Variants in EMSY observed in about 807,000 individuals in gnomAD.
EMSY encodes the protein EMSY transcriptional repressor, BRCA2 interacting.
EMSY carries 26 observed loss-of-function variants against 134.6 expected under a neutral mutation model. The ratio of observed to expected loss-of-function variants is 0.19; its 90% CI spans 0.14 to 0.27. The LOEUF (loss-of-function observed/expected upper bound fraction) is 0.27, where lower values mean the gene tolerates loss of function less well. Ranked by LOEUF, EMSY falls within the 10% of genes least tolerant of loss-of-function variation. The pLI is 1.00. For missense variants in EMSY, 1,305 were observed against 1,611.4 expected (o/e 0.81, Z 3.26); for synonymous variants, 579 against 577.8 (o/e 1.00, Z -0.03).
At chr11:76,473,703 G>C (rs116570920) in intron 8 of EMSY, among the ~76,000 whole-genome samples, 37 of 152,220 alleles carry the variant, frequency 2.4e-4, no homozygotes, top group African/African-American at 8.4e-4. Flanking sequence ...CTTAATAGCA[G>C]AGTAGGCCGG....
exon 19 of EMSY, chr11:76,544,465 C>T (rs748003150): frequency 6.2e-7 from 1 of 1,614,128 alleles, no homozygotes; most frequent in Non-Finnish European, 8.5e-7. Context: ...TGCAGTGCTT[C>T]CAGACTAAAC....
intron 1 of EMSY, among the ~76,000 whole-genome samples, chr11:76,445,695 G>GGTCC (rs1947354026): frequency 1.3e-5 from 2 of 152,132 alleles, no homozygotes; most frequent in South Asian, 4.1e-4. Context: ...CCCGCTCTGG[G>GGTCC]GTCCCCTGGC....
intron 17 of EMSY, among the ~76,000 whole-genome samples, chr11:76,540,314 T>G (rs933806067): frequency 6.6e-6 from 1 of 152,184 alleles, no homozygotes; most frequent in African/African-American, 2.4e-5. Flanking sequence ...ATTTTAATAT[T>G]ATTATAATTT....
intron 12 of EMSY, among the ~76,000 whole-genome samples, chr11:76,523,850 G>T (rs1950745995): frequency 1.3e-5 from 2 of 151,438 alleles, no homozygotes; most frequent in Non-Finnish European, 2.9e-5. Context: ...TTCAAGACCA[G>T]CCTTGGCAAC....
intron 8 of EMSY, among the ~76,000 whole-genome samples, chr11:76,489,315 C>CTTTTTTTTTT (rs57048007): frequency 1.6e-5 from 2 of 128,168 alleles, no homozygotes; most frequent in African/African-American, 2.9e-5. Flanking sequence ...TTCTTGTTTT[C>CTTTTTTTTTT]TTTTTTTTTT....
chr11:76,476,263 GT>G (rs1250373106), intron 8 of EMSY, among the ~76,000 whole-genome samples: 2 of 152,108 alleles, frequency 1.3e-5, no homozygotes, highest in African/African-American at 4.8e-5. Flanking sequence ...CATAATGTCT[GT>G]TTTTTCCCTT....
exon 17 of EMSY, chr11:76,539,618 A>G (rs1405165142): frequency 6.2e-7 from 1 of 1,613,802 alleles, no homozygotes; most frequent in Non-Finnish European, 8.5e-7. Context: ...ATGAGGGGAC[A>G]GAGGTTGCTT....
intron 11 of EMSY, among the ~76,000 whole-genome samples, chr11:76,518,502 A>C (rs994923478): frequency 2.0e-5 from 3 of 151,760 alleles, no homozygotes; most frequent in African/African-American, 7.3e-5. Context: ...TCTAGCTATA[A>C]GACTAGAAGG....
intron 6 of EMSY, among the ~76,000 whole-genome samples, chr11:76,463,479 C>G (rs920261874): frequency 3.3e-5 from 5 of 151,446 alleles, no homozygotes; most frequent in Non-Finnish European, 5.9e-5. Context: ...AAAAATTAGC[C>G]GGGCGCGGTG....
At chr11:76,511,063 C>T (rs1031700229) in intron 9 of EMSY, among the ~76,000 whole-genome samples, 1 of 152,220 alleles carries the variant, frequency 6.6e-6, no homozygotes, top group African/African-American at 2.4e-5. Flanking sequence ...CCAGCAGAGC[C>T]GATGCCGCCG....
intron 8 of EMSY, among the ~76,000 whole-genome samples, chr11:76,480,040 A>G (rs987596354): frequency 2.6e-5 from 4 of 152,240 alleles, no homozygotes; most frequent in Non-Finnish European, 5.9e-5. Flanking sequence ...GTGATAAAGC[A>G]TTTGTTGATG....
intron 14 of EMSY, 98 bp from the exon 16 acceptor site, chr11:76,535,797 A>G: frequency 1.0e-6 from 1 of 971,058 alleles, no homozygotes; most frequent in Non-Finnish European, 1.4e-6. Context: ...TACAATAAAT[A>G]GAAAGATAAG....
At chr11:76,510,135 G>C (rs1455716402) in intron 9 of EMSY, among the ~76,000 whole-genome samples, 3 of 152,216 alleles carry the variant, frequency 2.0e-5, no homozygotes, top group African/African-American at 7.2e-5. Flanking sequence ...CAGGGGGACT[G>C]CTTGAAGCCA....
chr11:76,455,188 CTG>C (rs1947819569), intron 4 of EMSY, among the ~76,000 whole-genome samples: 1 of 152,080 alleles, frequency 6.6e-6, no homozygotes, highest in Admixed American at 6.5e-5. Flanking sequence ...TTTTATCTGC[CTG>C]TGTTTCCTCT....
At position 76,454,806 on chromosome 11, in the gene EMSY, A is replaced by G; in HGVS notation, c.245+1418A>G. ...CAAGTTACAGGTATGCAAATAGGTT[A>G]TTATTATTTCAGGCTTTTTCTTGTA... On this transcript the variant is annotated intron_variant, in intron 4 of 20. Transcript: ENST00000334736. 1 of 1,433,746 alleles carries G rather than the reference A, an allele frequency of 7.0e-7. No homozygotes were observed. The highest frequency in any genetic ancestry group is 1.3e-5 in the South Asian group (1 of 77,858). The allele number at this position is 1,433,746 out of a possible 1,614,324, so 88.8% of individuals were successfully genotyped here.
chr11:76,462,019 C>G (rs1412952477), intron 6 of EMSY, among the ~76,000 whole-genome samples: 1 of 151,534 alleles, frequency 6.6e-6, no homozygotes, highest in East Asian at 2.0e-4. Context: ...AGCAGATCAC[C>G]TGAGGTCAGG....
intron 16 of EMSY, 30 bp from the exon 18 acceptor site, chr11:76,539,569 T>C (rs771761839): frequency 6.2e-7 from 1 of 1,610,910 alleles, no homozygotes; most frequent in African/African-American, 1.3e-5. Flanking sequence ...ATGAAAAGAC[T>C]ATGATTTCTT....
At chr11:76,508,966 C>T (rs988420121) in intron 9 of EMSY, among the ~76,000 whole-genome samples, 1 of 152,048 alleles carries the variant, frequency 6.6e-6, no homozygotes, top group Non-Finnish European at 1.5e-5. Flanking sequence ...GGGAGAATGT[C>T]CAGTTCGTGA....
chr11:76,500,390 G>A (rs536639495), intron 9 of EMSY, among the ~76,000 whole-genome samples: 1 of 152,190 alleles, frequency 6.6e-6, no homozygotes, highest in Non-Finnish European at 1.5e-5. Context: ...CAAGACTAAG[G>A]GCATTCTCAA....
Sources: gnomAD v4.1 joint callset for allele counts (sites outside exome capture counted in the v4.1 genomes callset) on GRCh38, gnomAD v4.1.1 for gene constraint, MANE v1.5 for transcripts, NCBI Gene and HGNC (gene_info 2026-07-23, HGNC 2026-07-21) for gene names.